Variants in SHTN1 observed in about 807,000 individuals in gnomAD.
SHTN1 encodes the protein shootin 1.
Under a neutral mutation model 83.1 loss-of-function variants are expected in SHTN1, and 42 were observed. The observed-to-expected ratio is 0.51, with a 90% CI of 0.39 to 0.65. The LOEUF (loss-of-function observed/expected upper bound fraction) is 0.65. Among genes scored for constraint, SHTN1 ranks in the 30% least tolerant of loss-of-function variants. SHTN1 has a pLI of 0.00. For synonymous variants in SHTN1, 224 were observed against 247.7 expected (o/e 0.90, Z 0.90); for missense variants, 622 against 737.8 (o/e 0.84, Z 1.82).
At chr10:117,039,262 G>A (rs1852547645) in intron 2 of SHTN1, among the ~76,000 whole-genome samples, 1 of 152,226 alleles carries the variant, frequency 6.6e-6, no homozygotes, top group Admixed American at 6.5e-5. Context: ...TACTGTAAGT[G>A]ACATTCTGGA....
chr10:117,028,703 G>T (rs936413193), intron 2 of SHTN1, among the ~76,000 whole-genome samples: 8 of 152,156 alleles, frequency 5.3e-5, no homozygotes, highest in African/African-American at 1.9e-4. Flanking sequence ...GCAAGCCTTG[G>T]CAGTTCCCAC....
At chr10:117,018,366 AAAACCTGT>A (rs1564932149) in intron 2 of SHTN1, among the ~76,000 whole-genome samples, 2 of 148,856 alleles carry the variant, frequency 1.3e-5, no homozygotes, top group African/African-American at 2.5e-5. Flanking sequence ...AGTAAAAATG[AAAACCTGT>A]AATATCATCT....
chr10:116,903,992 G>A (rs1326040959), intron 15 of SHTN1, among the ~76,000 whole-genome samples: 2 of 152,198 alleles, frequency 1.3e-5, no homozygotes, highest in Non-Finnish European at 2.9e-5. Context: ...GGGAACATTA[G>A]TTAAATGCCT....
At chr10:117,108,281 G>A (rs917440093) in intron 1 of SHTN1, among the ~76,000 whole-genome samples, 14 of 151,592 alleles carry the variant, frequency 9.2e-5, no homozygotes, top group Admixed American at 5.9e-4. Flanking sequence ...GGCACTACTC[G>A]CAATAGCAAA....
At chr10:117,024,624 C>T (rs1426664801) in intron 2 of SHTN1, among the ~76,000 whole-genome samples, 1 of 152,038 alleles carries the variant, frequency 6.6e-6, no homozygotes, top group Non-Finnish European at 1.5e-5. Flanking sequence ...TCCCAAAGTG[C>T]TGGGATTACA....
intron 16 of SHTN1, among the ~76,000 whole-genome samples, chr10:116,890,550 G>A (rs564909768): frequency 1.3e-5 from 2 of 152,152 alleles, no homozygotes; most frequent in East Asian, 1.9e-4. Context: ...TATTTTTCAC[G>A]GGTCATATTA....
At chr10:117,117,936 C>G (rs529092043) in intron 1 of SHTN1, among the ~76,000 whole-genome samples, 4 of 152,228 alleles carry the variant, frequency 2.6e-5, no homozygotes, top group African/African-American at 7.2e-5. Flanking sequence ...AACTATTAAA[C>G]TACCAAAAGA....
At chr10:116,963,042 T>G (rs941906175) in intron 3 of SHTN1, among the ~76,000 whole-genome samples, 47 of 6,196 alleles carry the variant, frequency 7.6e-3, no homozygotes, top group South Asian at 7.2e-3. Context: ...AAAGTTTTTT[T>G]TTTTTTTTTT....
intron 1 of SHTN1, among the ~76,000 whole-genome samples, chr10:116,986,376 T>C (rs909367901): frequency 1.3e-5 from 2 of 152,166 alleles, no homozygotes; most frequent in African/African-American, 2.4e-5. Flanking sequence ...CGAAACCTCC[T>C]TGGGAACCGG....
In SHTN1 at chr10:116,983,658, AG is replaced by A. The variant is rs1277014707; in HGVS notation, c.59-4351del. ...CAGATAGATAGATAGATAGATAGAT[AG>A]ATAGATAGATAGATAGATAGATAGA... On this transcript the variant is annotated intron_variant, in intron 1 of 16. Transcript: ENST00000355371. Among the ~76,000 whole-genome samples the A allele has an allele frequency of 1.1e-3, 90 of 85,190 alleles. No homozygotes were observed. In the East Asian group the frequency reaches 0.016, roughly 15 times the overall value. 55.9% of individuals were successfully genotyped at this position (85,190 alleles called of 152,430 possible). A position where few individuals can be genotyped will look rare whatever the true frequency, so the allele number is the denominator to read the frequency against.
rs72833430 is a variant in SHTN1, at chr10:117,024,750, T to A, written c.-123+23695A>T. Reference sequence around the variant, plus strand: ...ACATGCTGAAGTAGTTAGGTTAAAATATACTGAAGTCTTCAACTTGCTTTG... The same window carrying A: ...ACATGCTGAAGTAGTTAGGTTAAAAAATACTGAAGTCTTCAACTTGCTTTG... On this transcript the variant is annotated intron_variant, in intron 2 of 17. Transcript: ENST00000392901. Among the ~76,000 whole-genome samples the A allele has an allele frequency of 4.4e-3, 671 of 152,324 alleles. 2 individuals are homozygous for A. Among genetic ancestry groups the A allele is most frequent in the Non-Finnish European group, 7.8e-3 (533 of 68,026 alleles).
chr10:116,939,495 C>T (rs1339549705), intron 9 of SHTN1, among the ~76,000 whole-genome samples: 3 of 152,342 alleles, frequency 2.0e-5, no homozygotes, highest in East Asian at 3.9e-4. Flanking sequence ...ATGGGCTGCA[C>T]TCACTGTCCA....
At chr10:116,956,449 G>T (rs1316254213) in intron 4 of SHTN1, among the ~76,000 whole-genome samples, 2 of 152,130 alleles carry the variant, frequency 1.3e-5, no homozygotes, top group East Asian at 1.9e-4. Flanking sequence ...ATGACTAAAT[G>T]AGACATTATA....
chr10:117,086,174 T>C (rs1357936400), intron 1 of SHTN1, among the ~76,000 whole-genome samples: 2 of 152,210 alleles, frequency 1.3e-5, no homozygotes, highest in Non-Finnish European at 2.9e-5. Context: ...CGCCTTGGCC[T>C]CCCAAAGTGC....
At chr10:117,104,489 G>A (rs981286268) in intron 1 of SHTN1, among the ~76,000 whole-genome samples, 7 of 152,150 alleles carry the variant, frequency 4.6e-5, no homozygotes, top group Admixed American at 3.9e-4. Context: ...AGTAGCTCTC[G>A]GCCAGGCGCG....
intron 2 of SHTN1, among the ~76,000 whole-genome samples, chr10:116,970,950 C>A (rs1236284510): frequency 2.0e-5 from 3 of 152,102 alleles, no homozygotes; most frequent in Non-Finnish European, 4.4e-5. Context: ...GTTGTATTTG[C>A]TGCATTCCTT....
At position 116,949,074 on chromosome 10, in the gene SHTN1, T is replaced by C. The variant is rs185769932; in HGVS notation, c.535-77A>G. Reference sequence around the variant, plus strand: ...ACATATGGCAATGTGTGATACTCAATTGCTGTTCAACTTTCAACATGAAGT... The same window carrying C: ...ACATATGGCAATGTGTGATACTCAACTGCTGTTCAACTTTCAACATGAAGT... On this transcript the variant is annotated intron_variant, in intron 6 of 16. Transcript: ENST00000355371. 206 of 1,355,110 alleles carry C rather than the reference T, an allele frequency of 1.5e-4. No individual in the cohort carries two copies. In the African/African-American group the frequency reaches 2.4e-3, roughly 16 times the overall value. 83.9% of individuals were successfully genotyped at this position (1,355,110 alleles called of 1,614,324 possible). A position where few individuals can be genotyped will look rare whatever the true frequency, so the allele number is the denominator to read the frequency against.
At position 117,019,142 on chromosome 10, in the gene SHTN1, A is replaced by T. The variant is rs956347744; in HGVS notation, c.-123+29303T>A. Among the ~76,000 whole-genome samples, 6 of 152,262 alleles carry T rather than the reference A, an allele frequency of 3.9e-5. No individual in the cohort carries two copies. The South Asian group carries it at 1.0e-3, about 26-fold the overall frequency. On this transcript the variant is annotated intron_variant, in intron 2 of 17. Transcript: ENST00000392901. ...ACTAATGACTAGAAACTGAAATTTTAAAAAAGATTCCATTTACATTAACAG... is the reference window on the plus strand; with the variant it reads ...ACTAATGACTAGAAACTGAAATTTTTAAAAAGATTCCATTTACATTAACAG...
chr10:117,072,436 C>T (rs988692650), intron 1 of SHTN1, among the ~76,000 whole-genome samples: 7 of 152,132 alleles, frequency 4.6e-5, no homozygotes, highest in Non-Finnish European at 8.8e-5. Flanking sequence ...GACCCACACA[C>T]CCTCTGAAAG....
Sources: gnomAD v4.1 joint callset for allele counts (sites outside exome capture counted in the v4.1 genomes callset) on GRCh38, gnomAD v4.1.1 for gene constraint, MANE v1.5 for transcripts, NCBI Gene and HGNC (gene_info 2026-07-23, HGNC 2026-07-21) for gene names.